RIMS2: variants seen among roughly 807,000 people sequenced by gnomAD.
RIMS2 encodes regulating synaptic membrane exocytosis protein 2.
In RIMS2, 59 loss-of-function variants were observed where a neutral mutation model predicts 174.4. The ratio of observed to expected loss-of-function variants is 0.34; its 90% confidence interval spans 0.27 to 0.42. RIMS2 has a LOEUF of 0.42. RIMS2 is among the 10% of genes least tolerant of loss of function. The pLI is 1.00. For synonymous variants in RIMS2, 606 were observed against 572.5 expected (o/e 1.06, Z -0.84); for missense variants, 1,620 against 1,666.3 (o/e 0.97, Z 0.48).
At chr8:103,638,713 A>T (rs943147395) in intron 1 of RIMS2, among the ~76,000 whole-genome samples, 1 of 152,012 alleles carries the variant, frequency 6.6e-6, no homozygotes, top group African/African-American at 2.4e-5. Flanking sequence ...CTACCTGGAA[A>T]ATTAGCCATT....
chr8:104,210,675 G>T (rs1322760090), intron 19 of RIMS2, among the ~76,000 whole-genome samples: 1 of 152,092 alleles, frequency 6.6e-6, no homozygotes, highest in Non-Finnish European at 1.5e-5. Flanking sequence ...TAGACTTCTG[G>T]ATTATTGTGT....
chr8:104,044,917 T>C (rs751590547), intron 19 of RIMS2, among the ~76,000 whole-genome samples: 17 of 151,744 alleles, frequency 1.1e-4, no homozygotes, highest in Non-Finnish European at 2.1e-4. Flanking sequence ...TAAGAAAACA[T>C]TCAGAGAAAA....
At chr8:103,915,371 A>T in intron 6 of RIMS2, 124 bp from the exon 10 acceptor site, 2 of 495,278 alleles carry the variant, frequency 4.0e-6, no homozygotes, top group South Asian at 8.4e-5. Context: ...TTAAGAAATC[A>T]TTTTCTGTAC....
At chr8:104,128,099 T>C (rs896772204) in intron 19 of RIMS2, among the ~76,000 whole-genome samples, 1 of 152,334 alleles carries the variant, frequency 6.6e-6, no homozygotes, top group South Asian at 2.1e-4. Flanking sequence ...CTGAGGCAAT[T>C]TGAAATGATA....
At chr8:103,822,703 CAT>C (rs752559486) in intron 3 of RIMS2, among the ~76,000 whole-genome samples, 8 of 151,812 alleles carry the variant, frequency 5.3e-5, no homozygotes, top group Non-Finnish European at 1.0e-4. Flanking sequence ...AAAAAGAAAA[CAT>C]GTGTCTGCAT....
At chr8:104,244,732 T>A (rs937193276) in intron 19 of RIMS2, among the ~76,000 whole-genome samples, 184 bp from the exon 26 acceptor site, 1 of 152,198 alleles carries the variant, frequency 6.6e-6, no homozygotes, top group African/African-American at 2.4e-5. Flanking sequence ...TTTTAGAAAA[T>A]CTTCATCCCA....
intron 3 of RIMS2, among the ~76,000 whole-genome samples, chr8:103,827,787 A>G (rs1279907717): frequency 6.6e-6 from 1 of 152,084 alleles, no homozygotes; most frequent in African/African-American, 2.4e-5. Flanking sequence ...GTGAGCTGAG[A>G]TCGTGCCACT....
intron 1 of RIMS2, among the ~76,000 whole-genome samples, chr8:103,516,373 CATACTT>C (rs759869497): frequency 1.8e-4 from 27 of 152,134 alleles, no homozygotes; most frequent in Non-Finnish European, 2.6e-4. Context: ...TACTTGTACT[CATACTT>C]ATATTTTCAA....
chr8:103,962,386 C>G (rs188323263), intron 15 of RIMS2, among the ~76,000 whole-genome samples: 1 of 152,076 alleles, frequency 6.6e-6, no homozygotes, highest in African/African-American at 2.4e-5. Flanking sequence ...AAACCCTACC[C>G]CACTCAAAGT....
At chr8:103,871,555 A>G (rs2099112013) in intron 3 of RIMS2, among the ~76,000 whole-genome samples, 1 of 152,020 alleles carries the variant, frequency 6.6e-6, no homozygotes, top group South Asian at 2.1e-4. Context: ...TACCACTTTA[A>G]ATGAAGTCTG....
At chr8:103,515,021 T>A (rs911417393) in intron 1 of RIMS2, among the ~76,000 whole-genome samples, 1 of 152,214 alleles carries the variant, frequency 6.6e-6, no homozygotes, top group Admixed American at 6.5e-5. Context: ...TGAAAATTCA[T>A]CCTCTTTAAA....
intron 3 of RIMS2, among the ~76,000 whole-genome samples, chr8:103,816,332 G>C (rs910428702): frequency 1.3e-5 from 2 of 152,140 alleles, no homozygotes; most frequent in Non-Finnish European, 2.9e-5. Flanking sequence ...GTCTATGTAA[G>C]TGATTGAAAA....
At chr8:104,196,826 C>CA (rs1206430931) in intron 19 of RIMS2, among the ~76,000 whole-genome samples, 2 of 151,708 alleles carry the variant, frequency 1.3e-5, no homozygotes, top group African/African-American at 4.8e-5. Context: ...TTTTAAGTTG[C>CA]AAAAAAGATT....
intron 19 of RIMS2, among the ~76,000 whole-genome samples, chr8:104,109,179 C>A (rs1246943407): frequency 1.3e-5 from 2 of 151,442 alleles, no homozygotes. Flanking sequence ...CACCTGTAGA[C>A]CCAGCTACTC....
intron 19 of RIMS2, among the ~76,000 whole-genome samples, chr8:104,073,743 G>T (rs2097238114): frequency 6.6e-6 from 1 of 152,178 alleles, no homozygotes; most frequent in African/African-American, 2.4e-5. Flanking sequence ...GTGCATGCCT[G>T]ACCCTAGGCA....
intron 19 of RIMS2, among the ~76,000 whole-genome samples, chr8:104,116,450 C>A (rs946172864): frequency 2.0e-5 from 3 of 151,886 alleles, no homozygotes; most frequent in Non-Finnish European, 4.4e-5. Context: ...TATAATATGA[C>A]CACCTAGATT....
chr8:103,737,307 C>A (rs1292725217), intron 2 of RIMS2, among the ~76,000 whole-genome samples: 1 of 150,604 alleles, frequency 6.6e-6, no homozygotes, highest in Admixed American at 6.7e-5. Flanking sequence ...CCTAAGCCTC[C>A]TGAGTAGCTG....
intron 19 of RIMS2, among the ~76,000 whole-genome samples, chr8:104,082,776 A>C (rs2097448624): frequency 6.6e-6 from 1 of 151,708 alleles, no homozygotes; most frequent in Admixed American, 6.6e-5. Flanking sequence ...TATTCTTTTA[A>C]TATTTTAATA....
chr8:103,925,115 A>G (rs1227066871), intron 10 of RIMS2, among the ~76,000 whole-genome samples: 65 of 151,638 alleles, frequency 4.3e-4, no homozygotes, highest in South Asian at 2.1e-4. Context: ...ATAGGGCGTT[A>G]TAAGAAAATA....
Sources: gnomAD v4.1 joint callset for allele counts (sites outside exome capture counted in the v4.1 genomes callset) on GRCh38, gnomAD v4.1.1 for gene constraint, MANE v1.5 for transcripts, NCBI Gene and HGNC (gene_info 2026-07-23, HGNC 2026-07-21) for gene names.